KMT5B: variants seen among roughly 807,000 people sequenced by gnomAD.
KMT5B encodes histone-lysine N-methyltransferase KMT5B.
In KMT5B, 10 loss-of-function variants were observed where a neutral mutation model predicts 83.2. The observed-to-expected ratio is 0.12, with a 90% CI of 0.07 to 0.20. The LOEUF is 0.20. KMT5B is among the 10% of genes least tolerant of loss of function. The pLI, the probability that KMT5B is intolerant of heterozygous loss-of-function variation, is 1.00. For missense variants in KMT5B, 753 were observed against 1,067.2 expected (o/e 0.71, Z 4.10); for synonymous variants, 349 against 388.8 (o/e 0.90, Z 1.20).
chr11:68,189,741 A>C, intron 2 of KMT5B, 176 bp downstream of exon 2: 2 of 493,408 alleles, frequency 4.1e-6, no homozygotes, highest in Non-Finnish European at 6.9e-6. Context: ...TGAGTTTTAT[A>C]TAGTTTGATG....
chr11:68,204,219 A>G (rs1360285335), intron 1 of KMT5B, among the ~76,000 whole-genome samples: 1 of 152,250 alleles, frequency 6.6e-6, no homozygotes, highest in Non-Finnish European at 1.5e-5. Flanking sequence ...AACAGCTCTA[A>G]AGCAGACTGT....
At chr11:68,191,460 AG>A (rs1410727304) in intron 1 of KMT5B, among the ~76,000 whole-genome samples, 1 of 152,050 alleles carries the variant, frequency 6.6e-6, no homozygotes, top group Non-Finnish European at 1.5e-5. Context: ...CAGTCTCCTG[AG>A]TAGGTGGGAT....
intron 9 of KMT5B, among the ~76,000 whole-genome samples, chr11:68,168,337 ATT>A (rs879352613): frequency 5.0e-5 from 7 of 138,832 alleles, no homozygotes; most frequent in African/African-American, 5.3e-5. Flanking sequence ...TGTTATTAGA[ATT>A]TTTTTTTTTT....
chr11:68,159,271 A>G, intron 10 of KMT5B, 100 bp from the exon 11 acceptor site: 1 of 1,455,058 alleles, frequency 6.9e-7, no homozygotes, highest in Non-Finnish European at 9.0e-7. Flanking sequence ...CGTTTAGATT[A>G]CACAAACGCC....
intron 6 of KMT5B, among the ~76,000 whole-genome samples, chr11:68,172,395 C>CT (rs1855920641): frequency 6.9e-6 from 1 of 144,682 alleles, no homozygotes; most frequent in African/African-American, 2.6e-5. Context: ...ACACCTAGCT[C>CT]ATTTTTTTTT....
chr11:68,207,137 C>A (rs544462054), intron 1 of KMT5B, among the ~76,000 whole-genome samples: 7 of 151,572 alleles, frequency 4.6e-5, no homozygotes, highest in Non-Finnish European at 1.0e-4. Context: ...TGGTGTGAAC[C>A]TGGGAGGCGG....
Position 68,158,541 on chromosome 11 carries a change from C to T in KMT5B, c.1805G>A (p.Cys602Tyr), listed in dbSNP as rs1859470118. Reference sequence around the variant, plus strand: ...GGACATGCCTGTGTCACTCTTATGACACTTTGCCTCCCCTTTTTGTGCAGT... The same window carrying T: ...GGACATGCCTGTGTCACTCTTATGATACTTTGCCTCCCCTTTTTGTGCAGT... ...HETAQKGEAK[C>Y]HKSDTGMSKK... The change falls in exon 11 of 11, where the codon TGT becomes TAT. Residue 602 changes from cysteine to tyrosine, a missense_variant. Transcript: ENST00000304363. 6.2e-7 allele frequency: 1 copy of T among 1,614,220 alleles called. No homozygotes were observed. The highest frequency in any genetic ancestry group is 8.5e-7 in the Non-Finnish European group (1 of 1,180,048).
At chr11:68,210,046 C>T (rs956529398) in intron 1 of KMT5B, among the ~76,000 whole-genome samples, 23 of 152,126 alleles carry the variant, frequency 1.5e-4, no homozygotes, top group African/African-American at 5.6e-4. Context: ...CGGGGTTTCA[C>T]CGTGTTAGCC....
At position 68,154,876 on chromosome 11, in the gene KMT5B, C is replaced by T. The variant is rs574086769; in HGVS notation, c.*2812G>A. The T allele has an allele frequency of 6.6e-5, 10 of 151,766 alleles. No homozygotes were observed. Among genetic ancestry groups the T allele is most frequent in the South Asian group, 2.1e-4 (1 of 4,788 alleles). The allele number at this position is 151,766 out of a possible 1,614,324, so 9.4% of individuals were successfully genotyped here. Reference sequence around the variant, plus strand: ...ACACCGGCCAAATTGTTTTAATTTCCGAATTTATTAAAATGATTAACCTCA... The same window carrying T: ...ACACCGGCCAAATTGTTTTAATTTCTGAATTTATTAAAATGATTAACCTCA... On this transcript the variant is annotated 3_prime_UTR_variant, in exon 11 of 11. Coordinates refer to ENST00000304363, the MANE Select transcript of KMT5B (RefSeq NM_017635.5).
chr11:68,201,661 C>T (rs985563529), intron 1 of KMT5B, among the ~76,000 whole-genome samples: 1 of 151,826 alleles, frequency 6.6e-6, no homozygotes, highest in Non-Finnish European at 1.5e-5. Flanking sequence ...GTGACATTAC[C>T]GAGAACCCTC....
intron 6 of KMT5B, among the ~76,000 whole-genome samples, chr11:68,172,226 C>T (rs1318424380): frequency 6.6e-6 from 1 of 152,032 alleles, no homozygotes; most frequent in Non-Finnish European, 1.5e-5. Flanking sequence ...ATTACTTTAA[C>T]AATTTATTTT....
intron 1 of KMT5B, among the ~76,000 whole-genome samples, chr11:68,201,172 G>T (rs959928708): frequency 6.6e-6 from 1 of 152,134 alleles, no homozygotes; most frequent in African/African-American, 2.4e-5. Flanking sequence ...GGTGAGAAGC[G>T]CGACACCCAC....
rs532753611 is a variant in KMT5B at position 68,210,978 on chromosome 11, C to T, written c.-77+2160G>A. Reference sequence around the variant, plus strand: ...TATCTGAAAGGATTTGCTCTGTAAGCCATGGGAAGGGCATTCCTGTGGACA... The same window carrying T: ...TATCTGAAAGGATTTGCTCTGTAAGTCATGGGAAGGGCATTCCTGTGGACA... On this transcript the variant is annotated intron_variant, in intron 1 of 10. Transcript: ENST00000304363. Among the ~76,000 whole-genome samples, 3 of 152,326 alleles carry T rather than the reference C, an allele frequency of 2.0e-5. No homozygotes were observed. In the South Asian group the frequency reaches 6.2e-4, roughly 32 times the overall value.
intron 9 of KMT5B, among the ~76,000 whole-genome samples, chr11:68,170,535 G>C (rs1855744392): frequency 6.6e-6 from 1 of 152,176 alleles, no homozygotes; most frequent in Non-Finnish European, 1.5e-5. Flanking sequence ...AAAGACTCCA[G>C]GACTCTTGAT....
intron 10 of KMT5B, among the ~76,000 whole-genome samples, chr11:68,165,162 C>T (rs1233104519): frequency 6.6e-6 from 1 of 152,168 alleles, no homozygotes; most frequent in Non-Finnish European, 1.5e-5. Context: ...CTGTGGCTGT[C>T]TCCATATACA....
intron 1 of KMT5B, among the ~76,000 whole-genome samples, chr11:68,201,402 T>C (rs1859425381): frequency 6.6e-6 from 1 of 152,400 alleles, no homozygotes; most frequent in South Asian, 2.1e-4. Flanking sequence ...GCCTGTTCTA[T>C]GCCAGTGATG....
At position 68,158,658 on chromosome 11, in the gene KMT5B, C is replaced by A. The variant is rs753741394; in HGVS notation, c.1688G>T (p.Gly563Val). The A allele has an allele frequency of 1.2e-6, 2 of 1,613,970 alleles. No homozygotes were observed. Among genetic ancestry groups the A allele is most frequent in the Non-Finnish European group, 1.7e-6 (2 of 1,180,020 alleles). ...DIKLEPNTLN[G>V]YKSSVTEPCP... The stretch of plus-strand genomic sequence containing the variant: ...AGGTTCCGTCACACTGCTTTTATAG[C>A]CATTCAACGTATTTGGTTCAAGCTT... Residue 563 changes from glycine to valine, a missense_variant, in exon 11 of 11, where the codon GGC becomes GTC. By Grantham distance (109) the Gly-to-Val change is moderately radical (BLOSUM62 -3). Transcript: ENST00000304363.
chr11:68,198,772 CAGGCTGGA>C (rs1382208089), intron 1 of KMT5B, among the ~76,000 whole-genome samples: 1 of 152,200 alleles, frequency 6.6e-6, no homozygotes, highest in Non-Finnish European at 1.5e-5. Flanking sequence ...CTCTGTTGCC[CAGGCTGGA>C]GTGCAGTGGC....
intron 4 of KMT5B, chr11:68,179,542 G>A: frequency 7.7e-7 from 1 of 1,304,164 alleles, no homozygotes; most frequent in South Asian, 1.2e-5. Context: ...TCCCCACTGT[G>A]GCAGTGAAGA....
Sources: allele counts gnomAD v4.1 joint callset (sites outside exome capture counted in the v4.1 genomes callset), GRCh38; gene constraint gnomAD v4.1.1; transcripts MANE v1.5; gene names NCBI Gene and HGNC (gene_info 2026-07-23, HGNC 2026-07-21).